The following KCNN3 variants were observed in gnomAD, a reference collection of about 807,000 sequenced individuals.
KCNN3 encodes small conductance calcium-activated potassium channel protein 3.
Under a neutral mutation model 62.9 loss-of-function variants are expected in KCNN3, and 16 were observed. The ratio of observed to expected loss-of-function variants is 0.25; its 90% CI spans 0.17 to 0.39. The LOEUF (loss-of-function observed/expected upper bound fraction) is 0.39, where lower values mean the gene tolerates loss of function less well. Ranked by LOEUF, KCNN3 falls within the 10% of genes least tolerant of loss-of-function variation. The pLI, the probability that KCNN3 is intolerant of heterozygous loss-of-function variation, is 1.00. For synonymous variants in KCNN3, 370 were observed against 389.2 expected (o/e 0.95, Z 0.58); for missense variants, 599 against 949.4 (o/e 0.63, Z 4.85).
intron 1 of KCNN3, among the ~76,000 whole-genome samples, chr1:154,851,565 A>G (rs1652300570): frequency 6.6e-6 from 1 of 152,302 alleles, no homozygotes; most frequent in African/African-American, 2.4e-5. Flanking sequence ...TGCTTGGGCC[A>G]AAAGTCTCAG....
At chr1:154,843,838 G>A (rs1651932625) in intron 1 of KCNN3, among the ~76,000 whole-genome samples, 1 of 152,218 alleles carries the variant, frequency 6.6e-6, no homozygotes. Context: ...GACGTTTGGA[G>A]AAATAATGAC....
intron 5 of KCNN3, 68 bp from the exon 6 acceptor site, chr1:154,715,071 A>G: frequency 1.9e-6 from 3 of 1,563,724 alleles, no homozygotes; most frequent in Non-Finnish European, 2.6e-6. Context: ...TGTGGTTGCT[A>G]CTGTAGTCTA....
chr1:154,720,329 C>T (rs959093030), intron 5 of KCNN3, among the ~76,000 whole-genome samples: 1 of 152,232 alleles, frequency 6.6e-6, no homozygotes, highest in Non-Finnish European at 1.5e-5. Flanking sequence ...GGGACAGAAC[C>T]TTGTGCGTGA....
intron 1 of KCNN3, among the ~76,000 whole-genome samples, chr1:154,846,078 C>T (rs1243161588): frequency 4.6e-5 from 7 of 152,166 alleles, no homozygotes; most frequent in African/African-American, 1.7e-4. Flanking sequence ...CAGCTGGCAG[C>T]GGCTGCCCTG....
intron 4 of KCNN3, among the ~76,000 whole-genome samples, chr1:154,730,172 T>A (rs778988075): frequency 6.6e-6 from 1 of 152,242 alleles, no homozygotes; most frequent in Admixed American, 6.5e-5. Flanking sequence ...AAAATCCTTA[T>A]GGAAAGATGC....
At chr1:154,754,479 A>G (rs1192009970) in intron 3 of KCNN3, among the ~76,000 whole-genome samples, 3 of 152,220 alleles carry the variant, frequency 2.0e-5, no homozygotes, top group Non-Finnish European at 4.4e-5. Flanking sequence ...GATTACCAAT[A>G]ATAAAGACTA....
At chr1:154,829,077 C>T (rs1183175992) in intron 1 of KCNN3, among the ~76,000 whole-genome samples, 2 of 152,218 alleles carry the variant, frequency 1.3e-5, no homozygotes, top group Non-Finnish European at 2.9e-5. Flanking sequence ...GGAGCTCATC[C>T]CAAGGGCTGC....
At chr1:154,855,394 T>TGACTCACC (rs1285249180) in intron 1 of KCNN3, among the ~76,000 whole-genome samples, 1 of 152,228 alleles carries the variant, frequency 6.6e-6, no homozygotes, top group African/African-American at 2.4e-5. Flanking sequence ...ACTCACTCAC[T>TGACTCACC]GACTCACCCA....
Position 154,823,640 on chromosome 1 carries a change from C to T in KCNN3, c.934-1456G>A, listed in dbSNP as rs575507772. On this transcript the variant is annotated intron_variant, in intron 1 of 7. Transcript: ENST00000271915. ...AACAACTTAGAAACATGGGAAGCAT[C>T]CATTTAAATAGACCTAAATGACATC... Among the ~76,000 whole-genome samples, 9 of 152,274 alleles carry T rather than the reference C, an allele frequency of 5.9e-5. No individual in the cohort carries two copies. The East Asian group carries it at 1.2e-3, about 20-fold the overall frequency.
intron 3 of KCNN3, among the ~76,000 whole-genome samples, chr1:154,744,712 G>A (rs1700900746): frequency 6.6e-6 from 1 of 152,158 alleles, no homozygotes; most frequent in Non-Finnish European, 1.5e-5. Context: ...CCTTCAGCAT[G>A]CTAGGGCATG....
intron 3 of KCNN3, among the ~76,000 whole-genome samples, chr1:154,738,187 C>T (rs1700751863): frequency 1.3e-5 from 2 of 152,000 alleles, no homozygotes; most frequent in Non-Finnish European, 2.9e-5. Context: ...TTCAGAACAC[C>T]AGGGGAAAGG....
chr1:154,778,729 GTAACTGGGA>G (rs886743590), intron 2 of KCNN3, among the ~76,000 whole-genome samples: 2 of 148,638 alleles, frequency 1.3e-5, no homozygotes, highest in African/African-American at 5.0e-5. Flanking sequence ...AGCCTCCTGA[GTAACTGGGA>G]TAACAGGCAC....
chr1:154,737,150 T>C (rs1185661401), intron 3 of KCNN3: 1 of 546,908 alleles, frequency 1.8e-6, no homozygotes, highest in African/African-American at 1.9e-5. Flanking sequence ...TAGAGCGGTT[T>C]ACACATGTCA....
At chr1:154,849,560 G>A (rs1000654701) in intron 1 of KCNN3, among the ~76,000 whole-genome samples, 1 of 152,198 alleles carries the variant, frequency 6.6e-6, no homozygotes, top group African/African-American at 2.4e-5. Context: ...GAAAAGACAT[G>A]GAGACTAGAA....
chr1:154,724,200 G>C lies in KCNN3; in HGVS notation c.1701+1716C>G, dbSNP rs1021785168. ...AATAATTCTGCTGAGAAACTGGAGAGGCCTTGGCCGCTGCACACTCTCCCA... is the reference window on the plus strand; with the variant it reads ...AATAATTCTGCTGAGAAACTGGAGACGCCTTGGCCGCTGCACACTCTCCCA... On this transcript the variant is annotated intron_variant, in intron 5 of 7. Coordinates refer to ENST00000271915, the MANE Select transcript of KCNN3 (RefSeq NM_002249.6). Among the ~76,000 whole-genome samples, 6 of 152,312 alleles carry C rather than the reference G, an allele frequency of 3.9e-5. No homozygotes were observed. The East Asian group carries it at 1.2e-3, about 29-fold the overall frequency.
intron 1 of KCNN3, chr1:154,859,949 A>G: frequency 4.5e-6 from 4 of 896,308 alleles, no homozygotes; most frequent in Non-Finnish European, 6.7e-6. Context: ...CATCATTTGC[A>G]TGCTGTTCAT....
intron 2 of KCNN3, among the ~76,000 whole-genome samples, chr1:154,812,194 G>A (rs867558320): frequency 2.6e-5 from 4 of 152,212 alleles, no homozygotes; most frequent in Middle Eastern, 3.4e-3. Flanking sequence ...CAAATAGAAC[G>A]GATTAACTTT....
rs373841782 is a variant in KCNN3 at position 154,703,020 on chromosome 1, C to T, written c.*4956G>A. On this transcript the variant is annotated 3_prime_UTR_variant, in exon 8 of 8. Transcript: ENST00000271915. ...TTTGTTCAGAGGGAACTCCAGTTCA[C>T]GTTTGGGTGTTTCCAGTAATGGCGT... The T allele has an allele frequency of 2.0e-5, 3 of 151,754 alleles. No homozygotes were observed. The highest frequency in any genetic ancestry group is 4.4e-5 in the Non-Finnish European group (3 of 67,986). 9.4% of individuals were successfully genotyped at this position (151,754 alleles called of 1,614,324 possible).
intron 1 of KCNN3, among the ~76,000 whole-genome samples, chr1:154,828,630 T>C (rs1458389289): frequency 1.3e-5 from 2 of 152,234 alleles, no homozygotes; most frequent in Non-Finnish European, 2.9e-5. Flanking sequence ...TCTGGTTTCT[T>C]CTCTGCAAAC....
Sources: gnomAD v4.1 joint callset for allele counts (sites outside exome capture counted in the v4.1 genomes callset) on GRCh38, gnomAD v4.1.1 for gene constraint, MANE v1.5 for transcripts, NCBI Gene and HGNC (gene_info 2026-07-23, HGNC 2026-07-21) for gene names.